The following ARHGAP28 variants were observed in gnomAD, a reference collection of about 807,000 sequenced individuals.
ARHGAP28 encodes the protein rho GTPase-activating protein 28.
In ARHGAP28, 56 loss-of-function variants were observed where a neutral mutation model predicts 90.7. That is an observed-to-expected ratio of 0.62 (90% CI 0.50 to 0.77). The LOEUF (loss-of-function observed/expected upper bound fraction) is 0.77. ARHGAP28 is among the 30% of genes least tolerant of loss of function. ARHGAP28 has a pLI of 0.00. For synonymous variants in ARHGAP28, 308 were observed against 323.3 expected (o/e 0.95, Z 0.51); for missense variants, 869 against 900.9 (o/e 0.96, Z 0.45).
At chr18:6,752,680 C>A (rs1006985025) in intron 1 of ARHGAP28, among the ~76,000 whole-genome samples, 1 of 152,160 alleles carries the variant, frequency 6.6e-6, no homozygotes, top group African/African-American at 2.4e-5. Context: ...GGAAGCTTCT[C>A]AGGCTCAAAG....
chr18:6,808,851 T>C (rs1283442311), intron 1 of ARHGAP28, among the ~76,000 whole-genome samples: 1 of 152,230 alleles, frequency 6.6e-6, no homozygotes, highest in African/African-American at 2.4e-5. Context: ...CGTGGTTCTT[T>C]GTGTAGAAGT....
chr18:6,777,436 T>G (rs746012475), intron 1 of ARHGAP28, among the ~76,000 whole-genome samples: 1 of 152,120 alleles, frequency 6.6e-6, no homozygotes. Flanking sequence ...CCCAAAGATT[T>G]GCGAGGCTGG....
chr18:6,729,767 C>G lies in ARHGAP28; in HGVS notation c.-55C>G. ...CTGACAGCCTCCCGGCGCGCCGGTC[C>G]ATGCTGGTCCCGGTCTTTGTTCTGG... On this transcript the variant is annotated 5_prime_UTR_variant, in exon 1 of 18. Coordinates refer to ENST00000383472, the MANE Select transcript of ARHGAP28 (RefSeq NM_001366230.1). 1 of 1,318,982 alleles carries G rather than the reference C, an allele frequency of 7.6e-7. No homozygotes were observed. The highest frequency in any genetic ancestry group is 9.6e-7 in the Non-Finnish European group (1 of 1,036,698). The allele number at this position is 1,318,982 out of a possible 1,614,324, so 81.7% of individuals were successfully genotyped here.
intron 4 of ARHGAP28, among the ~76,000 whole-genome samples, chr18:6,852,848 C>T (rs1164940657): frequency 6.6e-6 from 1 of 152,086 alleles, no homozygotes; most frequent in East Asian, 1.9e-4. Context: ...ACTCAAATGG[C>T]AAGGAGACAG....
At chr18:6,803,222 C>T (rs1743787731) in intron 1 of ARHGAP28, among the ~76,000 whole-genome samples, 1 of 152,038 alleles carries the variant, frequency 6.6e-6, no homozygotes, top group Non-Finnish European at 1.5e-5. Context: ...TACTGTTTTT[C>T]CTAGATTCCC....
chr18:6,730,601 G>T (rs2055872465), intron 1 of ARHGAP28, among the ~76,000 whole-genome samples: 1 of 152,128 alleles, frequency 6.6e-6, no homozygotes, highest in African/African-American at 2.4e-5. Flanking sequence ...GTACATTTCA[G>T]ATTTAATCAA....
At chr18:6,773,716 G>C (rs552215759) in intron 1 of ARHGAP28, among the ~76,000 whole-genome samples, 1 of 152,068 alleles carries the variant, frequency 6.6e-6, no homozygotes, top group Non-Finnish European at 1.5e-5. Flanking sequence ...AAAATCTTTC[G>C]GGAATAGGAA....
At chr18:6,910,585 G>A (rs2057390768) in intron 17 of ARHGAP28, among the ~76,000 whole-genome samples, 1 of 151,952 alleles carries the variant, frequency 6.6e-6, no homozygotes, top group Non-Finnish European at 1.5e-5. Flanking sequence ...GGATAAATCA[G>A]CCTCTCAGCG....
intron 4 of ARHGAP28, among the ~76,000 whole-genome samples, chr18:6,853,698 C>T (rs2056928643): frequency 6.6e-6 from 1 of 152,100 alleles, no homozygotes; most frequent in Non-Finnish European, 1.5e-5. Flanking sequence ...TGGGCTCAAA[C>T]TCCTGACCTT....
chr18:6,876,842 A>G (rs750146399), intron 10 of ARHGAP28, among the ~76,000 whole-genome samples: 3 of 152,178 alleles, frequency 2.0e-5, no homozygotes, highest in African/African-American at 7.2e-5. Flanking sequence ...TCTTACTTCC[A>G]TGAGGTGGCA....
At chr18:6,887,435 T>TTG (rs954696659) in intron 12 of ARHGAP28, among the ~76,000 whole-genome samples, 196 bp downstream of exon 12, 2 of 150,224 alleles carry the variant, frequency 1.3e-5, no homozygotes, top group African/African-American at 2.4e-5. Flanking sequence ...ATCTTGTTTT[T>TTG]TTTTTTTTTT....
intron 1 of ARHGAP28, among the ~76,000 whole-genome samples, chr18:6,815,197 T>A (rs2056582013): frequency 6.6e-6 from 1 of 152,246 alleles, no homozygotes; most frequent in Admixed American, 6.5e-5. Flanking sequence ...AGTGATTTAC[T>A]TTGCCTGCAA....
chr18:6,742,965 G>A (rs1600144322), intron 1 of ARHGAP28, among the ~76,000 whole-genome samples: 2 of 152,308 alleles, frequency 1.3e-5, no homozygotes, highest in African/African-American at 4.8e-5. Context: ...AAGTAGTGTG[G>A]ATATCAGTGA....
At position 6,733,282 on chromosome 18, in the gene ARHGAP28, T is replaced by C. The variant is rs568943639; in HGVS notation, c.122+3339T>C. Among the ~76,000 whole-genome samples the C allele has an allele frequency of 1.7e-3, 257 of 152,306 alleles. 1 individual carries two copies. The highest frequency in any genetic ancestry group is 5.9e-3 in the African/African-American group (246 of 41,578). On this transcript the variant is annotated intron_variant, in intron 1 of 17. Coordinates refer to ENST00000383472, the MANE Select transcript of ARHGAP28 (RefSeq NM_001366230.1). ...AATTAATATGTTTATTTTTAATATATAGATTATCCTTTGTCCATCTTGTCC... is the reference window on the plus strand; with the variant it reads ...AATTAATATGTTTATTTTTAATATACAGATTATCCTTTGTCCATCTTGTCC...
intron 1 of ARHGAP28, among the ~76,000 whole-genome samples, chr18:6,781,508 C>T (rs2056324259): frequency 6.6e-6 from 1 of 152,208 alleles, no homozygotes; most frequent in Admixed American, 6.5e-5. Flanking sequence ...GAACTCCTGA[C>T]CCCATCACTC....
At chr18:6,775,922 G>C (rs546056862) in intron 1 of ARHGAP28, among the ~76,000 whole-genome samples, 10 of 152,118 alleles carry the variant, frequency 6.6e-5, no homozygotes, top group Non-Finnish European at 1.0e-4. Flanking sequence ...ACAAGGTAGG[G>C]CTCATGTTTA....
At chr18:6,834,464 T>C (rs1401092740) in intron 2 of ARHGAP28, 1 of 152,210 alleles carries the variant, frequency 6.6e-6, no homozygotes, top group Non-Finnish European at 1.5e-5. Context: ...TGTTGAGTTT[T>C]TGAGGAATCC....
intron 16 of ARHGAP28, among the ~76,000 whole-genome samples, chr18:6,908,099 T>TTTTATTTTATAG (rs1244061392): frequency 1.3e-5 from 2 of 150,594 alleles, no homozygotes; most frequent in Admixed American, 1.3e-4. Flanking sequence ...CTTGCTTTTA[T>TTTTATTTTATAG]TTTATTTTAT....
At chr18:6,827,445 C>T (rs1351880483) in intron 2 of ARHGAP28, among the ~76,000 whole-genome samples, 2 of 113,326 alleles carry the variant, frequency 1.8e-5, no homozygotes, top group Admixed American at 8.9e-5. Flanking sequence ...CCGGACGGGG[C>T]GGCTGGCCGG....
Sources: allele counts gnomAD v4.1 joint callset (sites outside exome capture counted in the v4.1 genomes callset), GRCh38; gene constraint gnomAD v4.1.1; transcripts MANE v1.5; gene names NCBI Gene and HGNC (gene_info 2026-07-23, HGNC 2026-07-21).